Variants in TBXAS1 observed in about 807,000 individuals in gnomAD.
TBXAS1 encodes thromboxane-A synthase.
A neutral mutation model predicts 60.7 loss-of-function variants in TBXAS1; 48 were observed. That is an observed-to-expected ratio of 0.79 (90% CI 0.63 to 1.01). TBXAS1 has a LOEUF of 1.01. Among genes scored for constraint, TBXAS1 ranks in the 50% least tolerant of loss-of-function variants. TBXAS1 has a pLI of 0.00. For synonymous variants in TBXAS1, 287 were observed against 269.7 expected, an observed-to-expected ratio of 1.06 and a Z score of -0.63; for missense variants, 685 against 686.3, an observed-to-expected ratio of 1.00 and a Z score of 0.02.
At chr7:139,833,046 A>G (rs1057434948) in intron 1 of TBXAS1, among the ~76,000 whole-genome samples, 1 of 152,172 alleles carries the variant, frequency 6.6e-6, no homozygotes, top group African/African-American at 2.4e-5. Context: ...AAACAAAAAT[A>G]CGAGCTAAAA....
intron 1 of TBXAS1, among the ~76,000 whole-genome samples, chr7:139,851,480 A>C (rs1800208349): frequency 6.6e-6 from 1 of 152,214 alleles, no homozygotes; most frequent in South Asian, 2.1e-4. Context: ...AGTTTTCTGA[A>C]ATCTTTAAAT....
At position 139,902,628 on chromosome 7, in the gene TBXAS1, T is replaced by A. The variant is rs149406711; in HGVS notation, c.237-8597T>A. On this transcript the variant is annotated intron_variant, in intron 3 of 12. Coordinates refer to ENST00000448866, the MANE Select transcript of TBXAS1 (RefSeq NM_001061.7). The stretch of plus-strand genomic sequence containing the variant: ...GTTTTCACGTCTCTGGGACAGATGT[T>A]CAAGAGTGCAATTGCTGGGTCATAG... Among the ~76,000 whole-genome samples the A allele has an allele frequency of 5.9e-3, 901 of 152,268 alleles. 9 individuals are homozygous for A. Among genetic ancestry groups the A allele is most frequent in the South Asian group, 0.027 (132 of 4,830 alleles).
chr7:139,939,741 T>C (rs964103833), intron 5 of TBXAS1, among the ~76,000 whole-genome samples: 1 of 151,858 alleles, frequency 6.6e-6, no homozygotes, highest in Non-Finnish European at 1.5e-5. Flanking sequence ...GGGAGAACCA[T>C]ATTTAAGGGA....
At chr7:139,904,981 C>CTCTT (rs1243984372) in intron 3 of TBXAS1, among the ~76,000 whole-genome samples, 5 of 134,550 alleles carry the variant, frequency 3.7e-5, no homozygotes, top group Admixed American at 7.8e-5. Flanking sequence ...ACCTTTCTTT[C>CTCTT]TCTTTCTCTC....
intron 9 of TBXAS1, among the ~76,000 whole-genome samples, chr7:139,978,367 G>T (rs887206531): frequency 9.2e-5 from 14 of 151,732 alleles, no homozygotes; most frequent in Admixed American, 9.2e-4. Context: ...ACAATTAGCC[G>T]GGCATGGTGG....
chr7:139,951,388 G>A (rs1809240480), intron 5 of TBXAS1, among the ~76,000 whole-genome samples: 1 of 151,848 alleles, frequency 6.6e-6, no homozygotes, highest in South Asian at 2.1e-4. Flanking sequence ...GCCACCTTTA[G>A]GAGTGACCCT....
intron 9 of TBXAS1, among the ~76,000 whole-genome samples, chr7:139,979,345 T>C (rs147646829): frequency 3.4e-3 from 512 of 152,248 alleles, no homozygotes; most frequent in Middle Eastern, 0.027. Context: ...GAAATACTAT[T>C]AAGTCAAGAT....
intron 1 of TBXAS1, among the ~76,000 whole-genome samples, chr7:139,871,242 T>C (rs1262062116): frequency 1.3e-5 from 2 of 152,244 alleles, no homozygotes; most frequent in African/African-American, 4.8e-5. Flanking sequence ...GTGATTCTTA[T>C]AGCAGTAATA....
intron 4 of TBXAS1, among the ~76,000 whole-genome samples, chr7:139,813,116 A>AATAAAATAAT (rs1798061388): frequency 9.4e-6 from 1 of 106,440 alleles, no homozygotes; most frequent in African/African-American, 2.8e-5. Context: ...AATAAAATAA[A>AATAAAATAAT]ATAAAATAAA....
At chr7:139,873,123 T>C (rs1316614173) in intron 2 of TBXAS1, among the ~76,000 whole-genome samples, 1 of 152,178 alleles carries the variant, frequency 6.6e-6, no homozygotes, top group Non-Finnish European at 1.5e-5. Flanking sequence ...CTTCAGGGCC[T>C]GTGGACATAG....
intron 5 of TBXAS1, among the ~76,000 whole-genome samples, chr7:139,942,811 G>A (rs1048788721): frequency 2.0e-5 from 3 of 152,158 alleles, no homozygotes; most frequent in Admixed American, 6.5e-5. Flanking sequence ...TCATCCAGAT[G>A]TTCCCCGTCA....
intron 4 of TBXAS1, among the ~76,000 whole-genome samples, chr7:139,798,853 T>C (rs1449492068): frequency 6.6e-6 from 1 of 152,198 alleles, no homozygotes; most frequent in Non-Finnish European, 1.5e-5. Context: ...TGAATTACCC[T>C]CCATTTTCTA....
At chr7:139,783,919 T>A (rs965009016) in intron 3 of TBXAS1, among the ~76,000 whole-genome samples, 1 of 152,048 alleles carries the variant, frequency 6.6e-6, no homozygotes, top group East Asian at 1.9e-4. Context: ...TAAGCAAACA[T>A]GAGTTAGTTA....
intron 10 of TBXAS1, among the ~76,000 whole-genome samples, chr7:140,014,915 A>AAAAAAAAAAAAAG (rs1399908570): frequency 6.6e-6 from 1 of 151,372 alleles, no homozygotes; most frequent in Admixed American, 6.6e-5. Context: ...TCTCAAAAAA[A>AAAAAAAAAAAAAG]AAGAAGAAGA....
At chr7:139,944,579 C>A (rs960222991) in intron 5 of TBXAS1, among the ~76,000 whole-genome samples, 1 of 152,184 alleles carries the variant, frequency 6.6e-6, no homozygotes. Context: ...TGGGGCAAAT[C>A]TTTCTGGTGC....
In TBXAS1 at chr7:139,778,449, A is replaced by T. The variant is rs1163175508; in HGVS notation, c.-340A>T. 6.5e-6 allele frequency: 1 copy of T among 152,814 alleles called. No homozygotes were observed. The highest frequency in any genetic ancestry group is 2.4e-5 in the African/African-American group (1 of 41,410). The allele number at this position is 152,814 out of a possible 1,614,324, so 9.5% of individuals were successfully genotyped here. On this transcript the variant is annotated 5_prime_UTR_variant, in exon 1 of 17. Coordinates refer to the TBXAS1 transcript ENST00000336425. The surrounding 1 kb of genome is among the most constrained non-coding windows in gnomAD (Gnocchi z 4.8). ...GCTGGCAAAGTGGCTCGCCCATCTC[A>T]CAGCCGGTTGGCGCTCGCGGAGGTA...
intron 4 of TBXAS1, among the ~76,000 whole-genome samples, chr7:139,815,599 G>T (rs1187401210): frequency 6.6e-6 from 1 of 152,168 alleles, no homozygotes; most frequent in Non-Finnish European, 1.5e-5. Context: ...CACACCTTAT[G>T]TTACCTCATC....
chr7:139,840,625 A>G (rs1362787469), intron 1 of TBXAS1, among the ~76,000 whole-genome samples: 1 of 152,136 alleles, frequency 6.6e-6, no homozygotes. Flanking sequence ...CTGCACAACC[A>G]GTGGAAATGG....
chr7:139,813,548 T>G (rs1469169976), intron 4 of TBXAS1, among the ~76,000 whole-genome samples: 2 of 152,216 alleles, frequency 1.3e-5, no homozygotes, highest in Non-Finnish European at 2.9e-5. Context: ...CTGCTTCTTT[T>G]GAATGATAAC....
Sources: allele counts gnomAD v4.1 joint callset (sites outside exome capture counted in the v4.1 genomes callset), GRCh38; gene constraint gnomAD v4.1.1; non-coding constraint Gnocchi (gnomAD v3.1); transcripts MANE v1.5; gene names NCBI Gene and HGNC (gene_info 2026-07-23, HGNC 2026-07-21).